MON2: variants seen among roughly 807,000 people sequenced by gnomAD.
MON2 encodes protein MON2 homolog.
In MON2, 84 loss-of-function variants were observed where a neutral mutation model predicts 208.6. The observed-to-expected ratio is 0.40, with a 90% CI of 0.34 to 0.48. The LOEUF (loss-of-function observed/expected upper bound fraction) is 0.48, where lower values mean the gene tolerates loss of function less well. Ranked by LOEUF, MON2 falls within the 20% of genes least tolerant of loss-of-function variation. MON2 has a pLI of 0.59. For synonymous variants in MON2, 660 were observed against 694.0 expected, an observed-to-expected ratio of 0.95 and a Z score of 0.77; for missense variants, 1,611 against 2,015.4, an observed-to-expected ratio of 0.80 and a Z score of 3.84.
chr12:62,592,947 G>A lies in MON2; in HGVS notation c.*198G>A. 6.4e-6 allele frequency: 3 copies of A among 468,428 alleles called. No homozygotes were observed. Among genetic ancestry groups the A allele is most frequent in the Middle Eastern group, 5.9e-4 (1 of 1,702 alleles). The allele number at this position is 468,428 out of a possible 1,614,324, so 29.0% of individuals were successfully genotyped here. A position where few individuals can be genotyped will look rare whatever the true frequency, so the allele number is the denominator to read the frequency against. On this transcript the variant is annotated 3_prime_UTR_variant, in exon 35 of 35. Transcript: ENST00000393630. ...AACAAAGGCTCCTGAATGAACAGCA[G>A]TGTAAGGCTTTAATAAATTAAACTG... is the stretch of plus-strand genomic sequence containing the variant.
intron 33 of MON2, among the ~76,000 whole-genome samples, chr12:62,587,697 C>G (rs1047689789): frequency 1.6e-4 from 25 of 152,030 alleles, no homozygotes; most frequent in African/African-American, 5.8e-4. Flanking sequence ...TGTGATCTCA[C>G]CATTGCACTC....
chr12:62,469,716 G>A (rs1415817366), intron 1 of MON2, among the ~76,000 whole-genome samples: 1 of 152,018 alleles, frequency 6.6e-6, no homozygotes, highest in Non-Finnish European at 1.5e-5. Context: ...TTTGGCTTTT[G>A]TTCTTCAAGA....
intron 19 of MON2, among the ~76,000 whole-genome samples, chr12:62,542,826 A>G (rs1422712152): frequency 2.0e-5 from 3 of 152,258 alleles, no homozygotes; most frequent in Middle Eastern, 3.4e-3. Context: ...TAGCCATTCT[A>G]TGTGTCTAGT....
intron 32 of MON2, among the ~76,000 whole-genome samples, chr12:62,583,960 CAA>C (rs1301473051): frequency 5.4e-5 from 3 of 55,966 alleles, no homozygotes; most frequent in Non-Finnish European, 7.3e-5. Flanking sequence ...GACCCTGTCT[CAA>C]AAAAAAAAAA....
rs376407515 is a variant in MON2 at position 62,543,211 on chromosome 12, T to C, written c.2466+13T>C. 1.4e-3 allele frequency: 1,983 copies of C among 1,370,474 alleles called. 5 individuals are homozygous for C. Among genetic ancestry groups the C allele is most frequent in the Non-Finnish European group, 9.4e-4 (953 of 1,009,152 alleles). The allele number at this position is 1,370,474 out of a possible 1,614,324, so 84.9% of individuals were successfully genotyped here. ...CCATCTACTTGAGGTAAATTCTCTT[T>C]CTTAAATATATTTAATTTTTTAATA... On this transcript the variant is annotated intron_variant, in intron 20 of 34. Coordinates refer to ENST00000393630, the MANE Select transcript of MON2 (RefSeq NM_015026.3).
In MON2 at chr12:62,549,850, GAATAT is replaced by G. The variant is rs761712440; in HGVS notation, c.2916+29_2916+33del. ...TTATTGGTAAGTATCATTGTCCTTA[GAATAT>G]AATATAATTTAGAAATCATTGTTAT... is the stretch of plus-strand genomic sequence containing the variant. On this transcript the variant is annotated intron_variant, in intron 23 of 34. Transcript: ENST00000393630. 3.5e-4 allele frequency: 502 copies of G among 1,446,222 alleles called. 1 individual carries two copies. The highest frequency in any genetic ancestry group is 1.9e-4 in the Middle Eastern group (1 of 5,334). The allele number at this position is 1,446,222 out of a possible 1,614,324, so 89.6% of individuals were successfully genotyped here. A position where few individuals can be genotyped will look rare whatever the true frequency, so the allele number is the denominator to read the frequency against.
intron 8 of MON2, among the ~76,000 whole-genome samples, chr12:62,513,898 C>T (rs111268837): frequency 0.14 from 20,262 of 145,162 alleles, 2,926 homozygotes; most frequent in East Asian, 0.34. Context: ...TGCAATGAGC[C>T]GAGATCGCTC....
At chr12:62,523,644 T>C (rs2072184356) in intron 8 of MON2, among the ~76,000 whole-genome samples, 1 of 152,186 alleles carries the variant, frequency 6.6e-6, no homozygotes, top group South Asian at 2.1e-4. Flanking sequence ...AGGGCTACTA[T>C]ATTTCCCCAA....
chr12:62,532,020 C>T lies in MON2; in HGVS notation c.1401-418C>T, dbSNP rs545098964. On this transcript the variant is annotated intron_variant, in intron 11 of 34. Transcript: ENST00000393630. ...TCCTGACCTCGTGATCCACCCACCTCGGCCTCCCAAAGTGCTTGGATTACA... is the reference window on the plus strand; with the variant it reads ...TCCTGACCTCGTGATCCACCCACCTTGGCCTCCCAAAGTGCTTGGATTACA... Among the ~76,000 whole-genome samples the T allele has an allele frequency of 8.0e-4, 122 of 152,222 alleles. 1 individual carries two copies. The highest frequency in any genetic ancestry group is 4.1e-3 in the Admixed American group (63 of 15,292).
At position 62,532,681 on chromosome 12, in the gene MON2, G is replaced by A. The variant is rs769812553; in HGVS notation, c.1633+11G>A. On this transcript the variant is annotated intron_variant, in intron 12 of 34. Coordinates refer to ENST00000393630, the MANE Select transcript of MON2 (RefSeq NM_015026.3). ...TGGATAAGGAAATTGGTATGAGTCTGTATTTTTAATTTTTATTGGAAATAA... is the reference window on the plus strand; with the variant it reads ...TGGATAAGGAAATTGGTATGAGTCTATATTTTTAATTTTTATTGGAAATAA... 3.2e-6 allele frequency: 5 copies of A among 1,570,948 alleles called. No homozygotes were observed. The highest frequency in any genetic ancestry group is 4.4e-6 in the Non-Finnish European group (5 of 1,146,930).
intron 7 of MON2, among the ~76,000 whole-genome samples, chr12:62,502,349 C>T (rs374622172): frequency 2.0e-5 from 3 of 151,192 alleles, no homozygotes; most frequent in African/African-American, 7.3e-5. Context: ...TGCACTGAGC[C>T]GTGTTCAAGC....
chr12:62,569,014 G>A (rs563015886), intron 29 of MON2, among the ~76,000 whole-genome samples: 1 of 152,188 alleles, frequency 6.6e-6, no homozygotes, highest in Non-Finnish European at 1.5e-5. Context: ...TTTCATTGAT[G>A]CCACTTACCA....
chr12:62,535,641 G>C lies in MON2; in HGVS notation c.1832G>C (p.Gly611Ala). Reference protein sequence around the residue: ...RDAFITAICKGSLPPHYALTV... With the variant: ...RDAFITAICKASLPPHYALTV... ...GCCTTTATAACTGCAATATGCAAAG[G>C]TTCCCTGCCTCCCCATTATGCTCTT... The change falls in exon 14 of 35, where the codon GGT (glycine) becomes GCT (alanine). Residue 611 changes from glycine to alanine, a missense_variant. Coordinates refer to ENST00000393630, the MANE Select transcript of MON2 (RefSeq NM_015026.3). 6.2e-7 allele frequency: 1 copy of C among 1,613,654 alleles called. No individual in the cohort carries two copies. Among genetic ancestry groups the C allele is most frequent in the Non-Finnish European group, 8.5e-7 (1 of 1,179,776 alleles).
chr12:62,524,270 G>A (rs1168053562), intron 8 of MON2, among the ~76,000 whole-genome samples: 2 of 152,100 alleles, frequency 1.3e-5, no homozygotes, highest in Non-Finnish European at 2.9e-5. Flanking sequence ...AGGATTAACC[G>A]TATTAGCAGA....
chr12:62,570,174 G>A (rs1159374987), intron 29 of MON2, among the ~76,000 whole-genome samples: 1 of 152,122 alleles, frequency 6.6e-6, no homozygotes, highest in Non-Finnish European at 1.5e-5. Context: ...AAAGCCACCT[G>A]TCTCAAAAGT....
chr12:62,537,535 C>T (rs2073035229), intron 15 of MON2, 67 bp from the exon 16 acceptor site: 2 of 1,236,316 alleles, frequency 1.6e-6, no homozygotes, highest in Admixed American at 4.7e-5. Context: ...ATTAATGCTA[C>T]TTTATAAGCT....
Position 62,556,044 on chromosome 12 carries a change from C to T in MON2, c.3261C>T (p.Asp1087=), listed in dbSNP as rs984949907. The change falls in exon 25 of 35, where the codon GAC becomes GAT. Residue 1087 remains aspartate (D), a synonymous_variant. Transcript: ENST00000393630. ...DRVRESSTTA[D]KEKIESGGGN... ...TTCGAGAGTCCTCTACCACTGCAGA[C>T]AAAGAAAAGATTGAGTCTGGAGGTG... 2.5e-6 allele frequency: 4 copies of T among 1,613,400 alleles called. No individual in the cohort carries two copies. The South Asian group carries it at 3.3e-5, about 13-fold the overall frequency.
At chr12:62,475,529 A>G (rs1263042472) in intron 1 of MON2, among the ~76,000 whole-genome samples, 3 of 151,952 alleles carry the variant, frequency 2.0e-5, no homozygotes, top group Non-Finnish European at 4.4e-5. Context: ...TCCTAGGTAT[A>G]CAAATGCTTT....
intron 21 of MON2, among the ~76,000 whole-genome samples, chr12:62,546,102 C>G (rs1463156960): frequency 1.3e-5 from 2 of 152,008 alleles, no homozygotes; most frequent in African/African-American, 4.8e-5. Flanking sequence ...TTTATGTCAT[C>G]TTTGTTAATA....
Sources: allele counts gnomAD v4.1 joint callset (sites outside exome capture counted in the v4.1 genomes callset), GRCh38; gene constraint gnomAD v4.1.1; transcripts MANE v1.5; gene names NCBI Gene and HGNC (gene_info 2026-07-23, HGNC 2026-07-21).